BMPR1A: variants seen among roughly 807,000 people sequenced by gnomAD.
The protein encoded by BMPR1A is bone morphogenetic protein receptor type-1A.
In BMPR1A, 7 loss-of-function variants were observed where a neutral mutation model predicts 66.0. That is an observed-to-expected ratio of 0.11 (90% CI 0.06 to 0.20). The LOEUF is 0.20. Among genes scored for constraint, BMPR1A ranks in the 10% least tolerant of loss-of-function variants. The pLI, the probability that BMPR1A is intolerant of heterozygous loss-of-function variation, is 1.00. For synonymous variants in BMPR1A, 200 were observed against 229.7 expected, an observed-to-expected ratio of 0.87 and a Z score of 1.17; for missense variants, 408 against 669.1, an observed-to-expected ratio of 0.61 and a Z score of 4.31.
At chr10:86,798,626 C>T (rs1179344853) in intron 1 of BMPR1A, among the ~76,000 whole-genome samples, 1 of 152,150 alleles carries the variant, frequency 6.6e-6, no homozygotes, top group Non-Finnish European at 1.5e-5. Context: ...TAATGTAAGA[C>T]TTCAGGCCTT....
intron 1 of BMPR1A, among the ~76,000 whole-genome samples, chr10:86,794,802 T>C (rs1445544349): frequency 1.3e-5 from 2 of 150,934 alleles, no homozygotes; most frequent in Non-Finnish European, 2.9e-5. Flanking sequence ...GATTTAAAAT[T>C]CAAATTTATC....
At chr10:86,785,629 A>G (rs897571137) in intron 1 of BMPR1A, among the ~76,000 whole-genome samples, 1 of 152,060 alleles carries the variant, frequency 6.6e-6, no homozygotes, top group Admixed American at 6.6e-5. Flanking sequence ...TGTGTCCGTT[A>G]GTTCCAGTTA....
At chr10:86,792,958 C>G (rs983604914) in intron 1 of BMPR1A, among the ~76,000 whole-genome samples, 1 of 152,130 alleles carries the variant, frequency 6.6e-6, no homozygotes, top group Admixed American at 6.5e-5. Context: ...TCTAGTGCAG[C>G]TTCTTGGCAA....
intron 2 of BMPR1A, among the ~76,000 whole-genome samples, chr10:86,849,053 G>A (rs1379491922): frequency 1.3e-5 from 2 of 152,016 alleles, no homozygotes. Flanking sequence ...TCTAAACCAT[G>A]GTGCACTCAC....
chr10:86,823,360 C>T (rs1842146768), intron 1 of BMPR1A, among the ~76,000 whole-genome samples: 1 of 152,198 alleles, frequency 6.6e-6, no homozygotes, highest in South Asian at 2.1e-4. Flanking sequence ...TATATTAACT[C>T]CTTTGATCCT....
intron 5 of BMPR1A, among the ~76,000 whole-genome samples, chr10:86,894,022 A>G (rs1429907223): frequency 2.0e-5 from 3 of 152,244 alleles, no homozygotes; most frequent in Non-Finnish European, 1.5e-5. Context: ...ATAATTGTCC[A>G]TAATGACCTC....
intron 7 of BMPR1A, among the ~76,000 whole-genome samples, chr10:86,910,195 G>A (rs945460488): frequency 1.3e-5 from 2 of 152,188 alleles, no homozygotes; most frequent in Non-Finnish European, 2.9e-5. Context: ...AAATTAGCCA[G>A]GTGTGGTGGT....
intron 8 of BMPR1A, among the ~76,000 whole-genome samples, chr10:86,912,836 A>G (rs1589288881): frequency 7.5e-6 from 1 of 134,120 alleles, no homozygotes; most frequent in Admixed American, 7.3e-5. Flanking sequence ...ATATTCTTAG[A>G]GAGGATGCTT....
chr10:86,874,574 T>G (rs1418018750), intron 2 of BMPR1A, among the ~76,000 whole-genome samples: 1 of 150,576 alleles, frequency 6.6e-6, no homozygotes, highest in Non-Finnish European at 1.5e-5. Context: ...CCTGGCTAAT[T>G]TTTTTTGTAT....
Position 86,900,040 on chromosome 10 carries a change from T to C in BMPR1A, c.444T>C (p.Asp148=). 1 of 1,614,200 alleles carries C rather than the reference T, an allele frequency of 6.2e-7. No homozygotes were observed. Among genetic ancestry groups the C allele is most frequent in the African/African-American group, 1.3e-5 (1 of 75,076 alleles). ...LPPVVIGPFF[D]GSIRWLVLLI... is the part of the protein sequence containing the mutation. ...TTTTATTGTCAGGTCCGTTTTTTGA[T>C]GGCAGCATTCGATGGCTGGTTTTGC... The change falls in exon 7 of 13, where the codon GAT becomes GAC. Residue 148 remains aspartate, a synonymous_variant. Transcript: ENST00000372037.
intron 1 of BMPR1A, among the ~76,000 whole-genome samples, chr10:86,815,847 G>A (rs57026132): frequency 0.041 from 6,295 of 152,268 alleles, 161 homozygotes; most frequent in South Asian, 0.1. Flanking sequence ...ATGGGATCAG[G>A]TGACTGATGC....
At chr10:86,818,891 G>T (rs117499148) in intron 1 of BMPR1A, among the ~76,000 whole-genome samples, 6,328 of 152,230 alleles carry the variant, frequency 0.042, 194 homozygotes, top group South Asian at 0.077. Flanking sequence ...AGATTTTTTG[G>T]ATTTTTTTGT....
chr10:86,920,775 C>T (rs1165993517), intron 10 of BMPR1A, among the ~76,000 whole-genome samples: 4 of 151,426 alleles, frequency 2.6e-5, no homozygotes, highest in African/African-American at 7.3e-5. Flanking sequence ...TAAAAGCAAG[C>T]GATTCCTCTT....
chr10:86,875,297 C>T lies in BMPR1A; in HGVS notation c.-152-570C>T, dbSNP rs191489086. 5.2e-3 allele frequency among the ~76,000 whole-genome samples: 797 copies of T among 152,144 alleles called. 23 individuals carry two copies. Among genetic ancestry groups the T allele is most frequent in the Non-Finnish European group, 1.8e-3 (125 of 67,986 alleles). ...CTGAGGCAGGAGAATCACTTGAACC[C>T]AGGAGGTGGAGGTTGCAGTGAGTCG... On this transcript the variant is annotated intron_variant, in intron 2 of 12. Transcript: ENST00000372037.
intron 9 of BMPR1A, among the ~76,000 whole-genome samples, 192 bp from the exon 10 acceptor site, chr10:86,918,980 T>C (rs139312890): frequency 1.1e-4 from 17 of 152,354 alleles, no homozygotes; most frequent in African/African-American, 3.8e-4. Context: ...AAATTTATTG[T>C]AGAAGTACAG....
intron 5 of BMPR1A, 36 bp from the exon 6 acceptor site, chr10:86,899,758 A>C (rs767665152): frequency 2.2e-5 from 35 of 1,585,602 alleles, no homozygotes; most frequent in Non-Finnish European, 3.0e-5. Context: ...TTAAAATACC[A>C]AACCATTTCT....
intron 3 of BMPR1A, among the ~76,000 whole-genome samples, chr10:86,879,225 T>G (rs1337237781): frequency 6.6e-6 from 1 of 152,176 alleles, no homozygotes; most frequent in African/African-American, 2.4e-5. Flanking sequence ...GCAGATGAGG[T>G]AAGCTTGAGT....
chr10:86,849,021 G>A (rs940448196), intron 2 of BMPR1A, among the ~76,000 whole-genome samples: 1 of 152,128 alleles, frequency 6.6e-6, no homozygotes, highest in African/African-American at 2.4e-5. Context: ...TTCATCCCAT[G>A]TAATGCTTCA....
intron 5 of BMPR1A, among the ~76,000 whole-genome samples, chr10:86,895,864 C>T (rs531777949): frequency 7.9e-5 from 12 of 152,184 alleles, no homozygotes; most frequent in African/African-American, 2.6e-4. Context: ...CCCATCTCTA[C>T]AAAAATTAGC....
Sources: gnomAD v4.1 joint callset for allele counts (sites outside exome capture counted in the v4.1 genomes callset) on GRCh38, gnomAD v4.1.1 for gene constraint, MANE v1.5 for transcripts, NCBI Gene and HGNC (gene_info 2026-07-23, HGNC 2026-07-21) for gene names.